Variants in PLS1 observed in about 807,000 individuals in gnomAD.
PLS1 encodes the protein plastin 1, also known as plastin-1.
In PLS1, 32 loss-of-function variants were observed where a neutral mutation model predicts 73.7. That is an observed-to-expected ratio of 0.43 (90% CI 0.33 to 0.58). PLS1 has a LOEUF of 0.58. Among genes scored for constraint, PLS1 ranks in the 20% least tolerant of loss-of-function variants. The pLI, the probability that PLS1 is intolerant of heterozygous loss-of-function variation, is 0.04. For synonymous variants in PLS1, 217 were observed against 261.3 expected (o/e 0.83, Z 1.63); for missense variants, 633 against 740.5 (o/e 0.85, Z 1.68).
chr3:142,676,110 TAA>T, intron 4 of PLS1, 45 bp from the exon 5 acceptor site: 2 of 1,564,784 alleles, frequency 1.3e-6, no homozygotes, highest in Non-Finnish European at 8.7e-7. Flanking sequence ...TATAGTGCAA[TAA>T]AGTTTGTGAA....
At chr3:142,659,720 G>A (rs1283621118) in intron 1 of PLS1, among the ~76,000 whole-genome samples, 2 of 150,278 alleles carry the variant, frequency 1.3e-5, no homozygotes, top group South Asian at 4.2e-4. Flanking sequence ...TTTTGAGATG[G>A]AGTTTTGCTC....
chr3:142,691,990 A>G (rs1166299800), intron 10 of PLS1, among the ~76,000 whole-genome samples: 1 of 152,174 alleles, frequency 6.6e-6, no homozygotes, highest in Admixed American at 6.5e-5. Flanking sequence ...TCATAGTTCC[A>G]CTATTTAATC....
At position 142,712,158 on chromosome 3, in the gene PLS1, G is replaced by C. The variant is rs3773506; in HGVS notation, c.*151G>C. The C allele has an allele frequency of 0.058, 37,178 of 641,740 alleles. 1,616 individuals are homozygous for C. Among genetic ancestry groups the C allele is most frequent in the African/African-American group, 0.16 (8,854 of 54,878 alleles). 39.8% of individuals were successfully genotyped at this position (641,740 alleles called of 1,614,324 possible). On this transcript the variant is annotated 3_prime_UTR_variant, in exon 16 of 16. Transcript: ENST00000457734. ...TGAATTCAATATCCTGTTCATACTA[G>C]TTAGAGCTGGTCAGCCTTTTTGGGT... is the stretch of plus-strand genomic sequence containing the variant.
chr3:142,661,826 A>G (rs1318731270), intron 1 of PLS1, among the ~76,000 whole-genome samples: 1 of 152,230 alleles, frequency 6.6e-6, no homozygotes, highest in Admixed American at 6.5e-5. Flanking sequence ...CTTTACACTG[A>G]ATAGAAAAGC....
chr3:142,695,839 G>C lies in PLS1; in HGVS notation c.1256+1292G>C, dbSNP rs2038186655. ...GATGGAGTTTCACTCTTGTTGCCCA[G>C]GCTGGAGTGCAATGGTGTGATCTCG... is the stretch of plus-strand genomic sequence containing the variant. On this transcript the variant is annotated intron_variant, in intron 11 of 15. Coordinates refer to ENST00000457734, the MANE Select transcript of PLS1 (RefSeq NM_001145319.2). Among the ~76,000 whole-genome samples, 2 of 151,874 alleles carry C rather than the reference G, an allele frequency of 1.3e-5. 1 individual carries two copies. The highest frequency in any genetic ancestry group is 4.2e-4 in the South Asian group (2 of 4,810).
intron 1 of PLS1, among the ~76,000 whole-genome samples, chr3:142,599,582 G>A (rs2108528900): frequency 6.6e-6 from 1 of 152,072 alleles, no homozygotes; most frequent in East Asian, 1.9e-4. Context: ...ACCCGCCTCG[G>A]CCTCCCAAAG....
intron 1 of PLS1, among the ~76,000 whole-genome samples, chr3:142,641,255 CTATA>C (rs1013286766): frequency 4.8e-4 from 69 of 142,660 alleles, no homozygotes; most frequent in African/African-American, 1.7e-3. Flanking sequence ...ATATATCTCT[CTATA>C]TATTATATGT....
intron 2 of PLS1, 68 bp from the exon 3 acceptor site, chr3:142,669,322 C>T: frequency 1.1e-6 from 1 of 899,800 alleles, no homozygotes; most frequent in Non-Finnish European, 1.6e-6. Context: ...TGAATCCTCC[C>T]AAAAGGCATC....
intron 1 of PLS1, among the ~76,000 whole-genome samples, chr3:142,602,352 C>A (rs527457681): frequency 1.3e-5 from 2 of 151,990 alleles, no homozygotes. Flanking sequence ...TCTGGAGTGA[C>A]CAGGTATAAG....
intron 1 of PLS1, among the ~76,000 whole-genome samples, chr3:142,648,214 G>A (rs111295718): frequency 0.018 from 2,746 of 152,206 alleles, 80 homozygotes; most frequent in African/African-American, 0.062. Flanking sequence ...CTTTGAGTGG[G>A]GGTAAAGAAC....
At chr3:142,646,927 A>G (rs6808205) in intron 1 of PLS1, among the ~76,000 whole-genome samples, 94,790 of 152,120 alleles carry the variant, frequency 0.62, 29,987 homozygotes, top group African/African-American at 0.66. Flanking sequence ...CCTGGAAGTC[A>G]TAGAAAATTC....
intron 6 of PLS1, among the ~76,000 whole-genome samples, chr3:142,682,208 G>A (rs2037870143): frequency 6.6e-6 from 1 of 152,078 alleles, no homozygotes; most frequent in Non-Finnish European, 1.5e-5. Flanking sequence ...AGCAAGGGGA[G>A]GATTTTAAGG....
rs188621756 is a variant in PLS1 at position 142,698,102 on chromosome 3, T to C, written c.1371+35T>C. ...ATAATGGCCATGGATATATTGTTAT[T>C]GTTCTGATATGAAACAAAGAATTTA... On this transcript the variant is annotated intron_variant, in intron 12 of 15. Coordinates refer to ENST00000457734, the MANE Select transcript of PLS1 (RefSeq NM_001145319.2). The C allele has an allele frequency of 3.8e-4, 444 of 1,166,150 alleles. 2 individuals carry two copies. The African/African-American group carries it at 6.0e-3, about 16-fold the overall frequency. 72.2% of individuals were successfully genotyped at this position (1,166,150 alleles called of 1,614,324 possible).
chr3:142,681,270 AG>A (rs1320304769), intron 6 of PLS1, among the ~76,000 whole-genome samples: 2 of 152,146 alleles, frequency 1.3e-5, no homozygotes, highest in African/African-American at 4.8e-5. Context: ...TTTCAGATTG[AG>A]TGACCAAAAA....
chr3:142,684,535 T>C (rs995076801), intron 8 of PLS1, 140 bp downstream of exon 8: 1 of 658,118 alleles, frequency 1.5e-6, no homozygotes, highest in Middle Eastern at 4.2e-4. Flanking sequence ...CTGTGTGAAG[T>C]AGATCCCCCA....
At chr3:142,651,462 CAAAAAAAAAA>C (rs57909380) in intron 1 of PLS1, among the ~76,000 whole-genome samples, 2 of 102,286 alleles carry the variant, frequency 2.0e-5, no homozygotes, top group Admixed American at 1.1e-4. Context: ...AACTCTGTCT[CAAAAAAAAAA>C]AAAAAAAAAA....
intron 4 of PLS1, among the ~76,000 whole-genome samples, chr3:142,675,798 T>A (rs527325175): frequency 6.6e-6 from 1 of 152,144 alleles, no homozygotes; most frequent in African/African-American, 2.4e-5. Context: ...CCTCAGCCTC[T>A]CGAGTAGCTG....
At chr3:142,672,621 G>A (rs544243392) in intron 4 of PLS1, among the ~76,000 whole-genome samples, 1 of 152,140 alleles carries the variant, frequency 6.6e-6, no homozygotes, top group African/African-American at 2.4e-5. Context: ...GGGATTACAG[G>A]CATGAGCCAC....
rs377055471 is a variant in PLS1 at position 142,693,664 on chromosome 3, C to T, written c.1178-805C>T. ...ACAGTGGCAGAGCCAGCCCACATCCCTGCTCACTTTGTGGTATACTATGAC... is the reference window on the plus strand; with the variant it reads ...ACAGTGGCAGAGCCAGCCCACATCCTTGCTCACTTTGTGGTATACTATGAC... On this transcript the variant is annotated intron_variant, in intron 10 of 15. Coordinates refer to ENST00000457734, the MANE Select transcript of PLS1 (RefSeq NM_001145319.2). Among the ~76,000 whole-genome samples, 79 of 152,278 alleles carry T rather than the reference C, an allele frequency of 5.2e-4. 2 individuals carry two copies. Among genetic ancestry groups the T allele is most frequent in the African/African-American group, 1.7e-3 (71 of 41,562 alleles).
Sources: gnomAD v4.1 joint callset for allele counts (sites outside exome capture counted in the v4.1 genomes callset) on GRCh38, gnomAD v4.1.1 for gene constraint, MANE v1.5 for transcripts, NCBI Gene and HGNC (gene_info 2026-07-23, HGNC 2026-07-21) for gene names.